The following PCDH7 variants were observed in gnomAD, a reference collection of about 807,000 sequenced individuals.
PCDH7 encodes protocadherin 7, also known as protocadherin-7.
A neutral mutation model predicts 58.9 loss-of-function variants in PCDH7; 17 were observed. That is an observed-to-expected ratio of 0.29 (90% CI 0.20 to 0.43). The LOEUF (loss-of-function observed/expected upper bound fraction) is 0.43. Ranked by LOEUF, PCDH7 falls within the 20% of genes least tolerant of loss-of-function variation. The pLI is 1.00. For synonymous variants in PCDH7, 664 were observed against 616.4 expected (o/e 1.08, Z -1.14); for missense variants, 1,274 against 1,441.0 (o/e 0.88, Z 1.88).
At chr4:31,043,193 C>T (rs1430842541) in intron 3 of PCDH7, among the ~76,000 whole-genome samples, 1 of 152,054 alleles carries the variant, frequency 6.6e-6, no homozygotes, top group Non-Finnish European at 1.5e-5. Flanking sequence ...CTGGAGGGGA[C>T]AACTATTCAA....
chr4:31,015,670 C>T (rs535892708), intron 3 of PCDH7, among the ~76,000 whole-genome samples: 7 of 152,108 alleles, frequency 4.6e-5, no homozygotes, highest in African/African-American at 1.2e-4. Context: ...TCATTTAACA[C>T]GTTCTTTTCT....
intron 3 of PCDH7, among the ~76,000 whole-genome samples, chr4:31,053,836 G>A (rs144249427): frequency 6.6e-6 from 1 of 151,842 alleles, no homozygotes; most frequent in African/African-American, 2.4e-5. Context: ...ATTTAACAAA[G>A]TATATAAAAT....
At chr4:30,741,530 T>G (rs1268143186) in intron 1 of PCDH7, among the ~76,000 whole-genome samples, 1 of 152,190 alleles carries the variant, frequency 6.6e-6, no homozygotes, top group Non-Finnish European at 1.5e-5. Flanking sequence ...CATTGCATTT[T>G]TTCCTAGGAA....
At chr4:31,043,506 G>A (rs916582158) in intron 3 of PCDH7, among the ~76,000 whole-genome samples, 5 of 152,066 alleles carry the variant, frequency 3.3e-5, no homozygotes, top group Admixed American at 1.3e-4. Flanking sequence ...TCTGATTGTG[G>A]TTTTGATTTG....
At chr4:30,821,224 A>G (rs1255405814) in intron 1 of PCDH7, among the ~76,000 whole-genome samples, 1 of 152,186 alleles carries the variant, frequency 6.6e-6, no homozygotes, top group East Asian at 1.9e-4. Context: ...CTGAAAATCA[A>G]GTCTTTACTA....
At chr4:30,742,255 A>G (rs913298407) in intron 1 of PCDH7, among the ~76,000 whole-genome samples, 2 of 152,052 alleles carry the variant, frequency 1.3e-5, no homozygotes, top group Admixed American at 6.5e-5. Flanking sequence ...ATGTAACTGC[A>G]CTGCTTAGCC....
chr4:30,981,076 T>G (rs1256239391), intron 3 of PCDH7, among the ~76,000 whole-genome samples: 1 of 152,178 alleles, frequency 6.6e-6, no homozygotes, highest in East Asian at 1.9e-4. Context: ...ACTCCTGACC[T>G]TGTGATCCAC....
At chr4:31,007,329 A>G (rs1752849684) in intron 3 of PCDH7, among the ~76,000 whole-genome samples, 1 of 152,236 alleles carries the variant, frequency 6.6e-6, no homozygotes, top group African/African-American at 2.4e-5. Flanking sequence ...ACTGTAATCA[A>G]TATTAGACAA....
At chr4:30,734,448 G>A (rs143377216), downstream of PCDH7, among the ~76,000 whole-genome samples, 630 of 152,150 alleles carry the variant, frequency 4.1e-3, 6 homozygotes, top group African/African-American at 0.014. Context: ...CGGTCAGGCT[G>A]GTCTTGAACT....
intron 2 of PCDH7, among the ~76,000 whole-genome samples, chr4:30,928,659 C>T (rs114425321): frequency 1.6e-3 from 245 of 152,160 alleles, no homozygotes; most frequent in African/African-American, 5.5e-3. Flanking sequence ...GAAAATTATA[C>T]GGAAGAAACA....
intron 3 of PCDH7, among the ~76,000 whole-genome samples, chr4:30,970,556 GT>G (rs1262942754): frequency 6.6e-6 from 1 of 152,178 alleles, no homozygotes; most frequent in Non-Finnish European, 1.5e-5. Flanking sequence ...GCCTCCCAAA[GT>G]GCTGGGATTA....
chr4:31,145,975 A>T (rs879366813), downstream of PCDH7: 2 of 152,106 alleles, frequency 1.3e-5, no homozygotes, highest in Non-Finnish European at 2.9e-5. Context: ...ACATTAGGAC[A>T]CATTTATAAA....
chr4:31,060,730 G>T (rs1479263220), intron 3 of PCDH7, among the ~76,000 whole-genome samples: 1 of 151,666 alleles, frequency 6.6e-6, no homozygotes, highest in Non-Finnish European at 1.5e-5. Context: ...TTAAGTTAGT[G>T]ATTTTTCATT....
At chr4:30,890,865 T>C (rs1398014036) in intron 1 of PCDH7, among the ~76,000 whole-genome samples, 1 of 152,172 alleles carries the variant, frequency 6.6e-6, no homozygotes, top group East Asian at 1.9e-4. Flanking sequence ...TAACTAATAT[T>C]ACTAAGATAG....
chr4:30,867,657 G>T (rs551310419), intron 1 of PCDH7, among the ~76,000 whole-genome samples: 2 of 152,160 alleles, frequency 1.3e-5, no homozygotes, highest in African/African-American at 2.4e-5. Flanking sequence ...CCCACAGAAG[G>T]TTTGGTGATT....
intron 1 of PCDH7, among the ~76,000 whole-genome samples, chr4:30,896,888 G>GTTT (rs1411830166): frequency 5.8e-5 from 1 of 17,366 alleles, no homozygotes; most frequent in Non-Finnish European, 1.2e-4. Flanking sequence ...CTAGTTCTTT[G>GTTT]CTTTTTTTTT....
intron 1 of PCDH7, among the ~76,000 whole-genome samples, chr4:30,914,892 T>C (rs1300997785): frequency 6.6e-6 from 1 of 152,220 alleles, no homozygotes; most frequent in East Asian, 1.9e-4. Flanking sequence ...TTTCTTGGAA[T>C]AGAATTCTTT....
At chr4:30,903,430 A>C (rs192898367) in intron 1 of PCDH7, among the ~76,000 whole-genome samples, 10 of 151,566 alleles carry the variant, frequency 6.6e-5, no homozygotes, top group Admixed American at 4.6e-4. Flanking sequence ...GTGGAAAAAA[A>C]CTCATTTCTT....
intron 3 of PCDH7, among the ~76,000 whole-genome samples, chr4:31,102,175 A>G (rs1714973180): frequency 6.6e-6 from 1 of 152,190 alleles, no homozygotes; most frequent in Admixed American, 6.5e-5. Context: ...GCCACTTTCA[A>G]AACAATATTA....
Sources: allele counts gnomAD v4.1 joint callset (sites outside exome capture counted in the v4.1 genomes callset), GRCh38; gene constraint gnomAD v4.1.1; transcripts MANE v1.5; gene names NCBI Gene and HGNC (gene_info 2026-07-23, HGNC 2026-07-21).